STRN: variants seen among roughly 807,000 people sequenced by gnomAD.
STRN encodes the protein striatin.
In STRN, 53 loss-of-function variants were observed where a neutral mutation model predicts 96.3. That is an observed-to-expected ratio of 0.55 (90% CI 0.44 to 0.69). The LOEUF is 0.69. Among genes scored for constraint, STRN ranks in the 30% least tolerant of loss-of-function variants. The probability of loss-of-function intolerance (pLI) is 0.00; values close to 1 mark genes in which losing one functional copy is unlikely to be tolerated. For missense variants in STRN, 987 were observed against 963.9 expected (o/e 1.02, Z -0.32); for synonymous variants, 428 against 355.9 (o/e 1.20, Z -2.28).
intron 7 of STRN, among the ~76,000 whole-genome samples, chr2:36,893,184 T>C (rs199959891): frequency 1.6e-3 from 246 of 152,340 alleles, no homozygotes; most frequent in African/African-American, 5.6e-3. Context: ...GTCCTGGCTA[T>C]AAGCCTTAAT....
intron 8 of STRN, among the ~76,000 whole-genome samples, chr2:36,885,870 A>C (rs1669208887): frequency 6.6e-6 from 1 of 152,094 alleles, no homozygotes. Context: ...TCAAATTCCT[A>C]TTACCATAAA....
chr2:36,888,639 ATGTGTGTGTG>A lies in STRN; in HGVS notation c.932-1823_932-1814del, dbSNP rs70946958. 4.4e-3 allele frequency among the ~76,000 whole-genome samples: 641 copies of A among 145,230 alleles called. 6 individuals are homozygous for A. Among genetic ancestry groups the A allele is most frequent in the African/African-American group, 0.016 (617 of 38,970 alleles). On this transcript the variant is annotated intron_variant, in intron 7 of 17. Coordinates refer to ENST00000263918, the MANE Select transcript of STRN (RefSeq NM_003162.4). Reference sequence around the variant, plus strand: ...TATATTTCATGGGTTTTTAATTTATATGTGTGTGTGTGTGTGTGTGTGTGTGTGTGTGCAT... The same window carrying A: ...TATATTTCATGGGTTTTTAATTTATATGTGTGTGTGTGTGTGTGTGTGCAT...
chr2:36,849,868 T>A lies in STRN; in HGVS notation c.2087-68A>T. On this transcript the variant is annotated intron_variant, in intron 16 of 17. Coordinates refer to ENST00000263918, the MANE Select transcript of STRN (RefSeq NM_003162.4). ...CATCTTCAATATTTGCCAGCTACCA[T>A]GTCCTGCTGGTTTCTCCAGTCATCC... 8 of 1,480,230 alleles carry A rather than the reference T, an allele frequency of 5.4e-6. 1 individual carries two copies. Among genetic ancestry groups the A allele is most frequent in the Non-Finnish European group, 5.7e-6 (6 of 1,060,572 alleles). 91.7% of individuals were successfully genotyped at this position (1,480,230 alleles called of 1,614,324 possible).
chr2:36,934,936 G>A lies in STRN; in HGVS notation c.235-9728C>T, dbSNP rs376992951. Among the ~76,000 whole-genome samples, 39 of 152,184 alleles carry A rather than the reference G, an allele frequency of 2.6e-4. No individual in the cohort carries two copies. In the East Asian group the frequency reaches 3.1e-3, roughly 12 times the overall value. On this transcript the variant is annotated intron_variant, in intron 1 of 17. Coordinates refer to ENST00000263918, the MANE Select transcript of STRN (RefSeq NM_003162.4). ...CTACTGAAAATACAAAAATTAGCCCGGTGTGGTGGCTCAAAACTGCAGCCC... is the reference window on the plus strand; with the variant it reads ...CTACTGAAAATACAAAAATTAGCCCAGTGTGGTGGCTCAAAACTGCAGCCC...
At position 36,842,086 on chromosome 2, in the gene STRN, G is replaced by A. The variant is rs1327246569; in HGVS notation, c.*7370C>T. On this transcript the variant is annotated 3_prime_UTR_variant, in exon 18 of 18. Coordinates refer to ENST00000263918, the MANE Select transcript of STRN (RefSeq NM_003162.4). ...TTATTGTCTTGGTCCCATTTCCAAA[G>A]GGAAGTAGTTGGATGCCAGCATACT... 2 of 152,188 alleles carry A rather than the reference G, an allele frequency of 1.3e-5. No homozygotes were observed. The highest frequency in any genetic ancestry group is 2.9e-5 in the Non-Finnish European group (2 of 68,042). The allele number at this position is 152,188 out of a possible 1,614,324, so 9.4% of individuals were successfully genotyped here. A position where few individuals can be genotyped will look rare whatever the true frequency, so the allele number is the denominator to read the frequency against.
chr2:36,862,784 G>C (rs1668524394), intron 12 of STRN, among the ~76,000 whole-genome samples: 2 of 151,626 alleles, frequency 1.3e-5, no homozygotes, highest in Admixed American at 6.6e-5. Flanking sequence ...ACCCAGGCTG[G>C]AGTGCAGTGG....
intron 7 of STRN, among the ~76,000 whole-genome samples, chr2:36,888,713 T>C (rs1196705150): frequency 6.6e-6 from 1 of 150,450 alleles, no homozygotes; most frequent in Non-Finnish European, 1.5e-5. Flanking sequence ...CAGAATCTCA[T>C]TCTATCAAAC....
intron 7 of STRN, among the ~76,000 whole-genome samples, chr2:36,891,448 C>T (rs1572652364): frequency 6.6e-6 from 1 of 152,258 alleles, no homozygotes; most frequent in Non-Finnish European, 1.5e-5. Flanking sequence ...CTGCTTGAAT[C>T]CAGAAGGCGG....
chr2:36,858,148 C>T lies in STRN; in HGVS notation c.1670-125G>A, dbSNP rs554931019. 257 of 664,438 alleles carry T rather than the reference C, an allele frequency of 3.9e-4. 4 individuals carry two copies. In the East Asian group the frequency reaches 8.0e-3, roughly 21 times the overall value. The allele number at this position is 664,438 out of a possible 1,614,324, so 41.2% of individuals were successfully genotyped here. A position where few individuals can be genotyped will look rare whatever the true frequency, so the allele number is the denominator to read the frequency against. On this transcript the variant is annotated intron_variant, in intron 13 of 17. Coordinates refer to ENST00000263918, the MANE Select transcript of STRN (RefSeq NM_003162.4). Reference sequence around the variant, plus strand: ...CAGTATAAAATATGATTCTTGGTTTCTATTATTCTTCTGACAGGCTACAGT... The same window carrying T: ...CAGTATAAAATATGATTCTTGGTTTTTATTATTCTTCTGACAGGCTACAGT...
At position 36,840,813 on chromosome 2, in the gene STRN, G is replaced by C. The variant is rs1315924240; in HGVS notation, c.*8643C>G. On this transcript the variant is annotated 3_prime_UTR_variant, in exon 18 of 18. Coordinates refer to ENST00000263918, the MANE Select transcript of STRN (RefSeq NM_003162.4). ...AATCTGGGTTAAGGGAGAGAATCAAGATATTCAGAAAAAAAATCTCATTAC... is the reference window on the plus strand; with the variant it reads ...AATCTGGGTTAAGGGAGAGAATCAACATATTCAGAAAAAAAATCTCATTAC... 1 of 151,890 alleles carries C rather than the reference G, an allele frequency of 6.6e-6. No homozygotes were observed. Among genetic ancestry groups the C allele is most frequent in the Non-Finnish European group, 1.5e-5 (1 of 67,956 alleles). 9.4% of individuals were successfully genotyped at this position (151,890 alleles called of 1,614,324 possible).
intron 1 of STRN, among the ~76,000 whole-genome samples, chr2:36,948,705 TAAGAAGCAAG>T (rs1204147788): frequency 6.6e-6 from 1 of 152,152 alleles, no homozygotes; most frequent in Non-Finnish European, 1.5e-5. Flanking sequence ...AACAGATTTA[TAAGAAGCAAG>T]TAAAAAACAG....
intron 4 of STRN, among the ~76,000 whole-genome samples, chr2:36,903,922 C>G (rs925082598): frequency 6.6e-6 from 1 of 152,140 alleles, no homozygotes; most frequent in East Asian, 1.9e-4. Context: ...ACTTTGGCAA[C>G]AAAATCACAT....
chr2:36,862,146 T>A (rs1317670980), intron 12 of STRN, among the ~76,000 whole-genome samples: 1 of 152,198 alleles, frequency 6.6e-6, no homozygotes, highest in African/African-American at 2.4e-5. Flanking sequence ...ATGTACCACA[T>A]TTTCTTTATC....
At chr2:36,914,977 C>T (rs1032961082) in intron 3 of STRN, among the ~76,000 whole-genome samples, 1 of 151,636 alleles carries the variant, frequency 6.6e-6, no homozygotes, top group Non-Finnish European at 1.5e-5. Flanking sequence ...GGGGGCGGAT[C>T]CCGAGGTCAG....
intron 2 of STRN, among the ~76,000 whole-genome samples, chr2:36,921,950 C>T (rs1670270893): frequency 6.6e-6 from 1 of 152,252 alleles, no homozygotes. Context: ...ACTTTTAGAA[C>T]ATCTGAATAT....
intron 1 of STRN, among the ~76,000 whole-genome samples, chr2:36,945,425 T>G (rs1670954915): frequency 6.6e-6 from 1 of 152,204 alleles, no homozygotes. Flanking sequence ...CCCAGCACTT[T>G]GGGAGGCCGC....
chr2:36,933,172 A>G (rs1572685058), intron 1 of STRN, among the ~76,000 whole-genome samples: 1 of 152,184 alleles, frequency 6.6e-6, no homozygotes, highest in East Asian at 1.9e-4. Context: ...AATAAACAAT[A>G]AATACAAAAT....
chr2:36,962,462 T>G (rs962660801), intron 1 of STRN, among the ~76,000 whole-genome samples: 1 of 152,164 alleles, frequency 6.6e-6, no homozygotes, highest in African/African-American at 2.4e-5. Flanking sequence ...TAGGTTCTCA[T>G]GAACTCATAA....
intron 10 of STRN, among the ~76,000 whole-genome samples, chr2:36,874,027 G>A (rs528802859): frequency 1.6e-4 from 25 of 151,798 alleles, no homozygotes; most frequent in East Asian, 1.4e-3. Flanking sequence ...AGGCTGAGGC[G>A]GGTGGATCAC....
Sources: gnomAD v4.1 joint callset for allele counts (sites outside exome capture counted in the v4.1 genomes callset) on GRCh38, gnomAD v4.1.1 for gene constraint, MANE v1.5 for transcripts, NCBI Gene and HGNC (gene_info 2026-07-23, HGNC 2026-07-21) for gene names.